ATP11A: variants seen among roughly 807,000 people sequenced by gnomAD.
The protein encoded by ATP11A is phospholipid-transporting ATPase IH.
ATP11A carries 81 observed loss-of-function variants against 154.4 expected under a neutral mutation model. The observed-to-expected ratio is 0.52, with a 90% confidence interval of 0.44 to 0.63. The LOEUF (loss-of-function observed/expected upper bound fraction) is 0.63. Ranked by LOEUF, ATP11A falls within the 30% of genes least tolerant of loss-of-function variation. ATP11A has a pLI of 0.00. For missense variants in ATP11A, 1,316 were observed against 1,474.3 expected (o/e 0.89, Z 1.76); for synonymous variants, 623 against 585.9 (o/e 1.06, Z -0.91).
chr13:112,711,118 C>T lies in ATP11A; in HGVS notation c.39+20663C>T, dbSNP rs79090417. Among the ~76,000 whole-genome samples the T allele has an allele frequency of 4.6e-3, 695 of 152,326 alleles. 7 individuals carry two copies. The highest frequency in any genetic ancestry group is 0.016 in the African/African-American group (668 of 41,562). ...GCAGGATCCCAGGGGACCCGTCCTG[C>T]GTGCTGACACTTTACCACGAGGCAG... On this transcript the variant is annotated intron_variant, in intron 1 of 29. Transcript: ENST00000375645.
intron 13 of ATP11A, among the ~76,000 whole-genome samples, chr13:112,831,787 C>T (rs953979647): frequency 7.2e-5 from 11 of 152,218 alleles, no homozygotes; most frequent in African/African-American, 2.7e-4. Context: ...CACATGCATG[C>T]ACCCAGACAC....
At chr13:112,780,342 G>C (rs2077467515) in intron 1 of ATP11A, among the ~76,000 whole-genome samples, 1 of 152,082 alleles carries the variant, frequency 6.6e-6, no homozygotes, top group Non-Finnish European at 1.5e-5. Flanking sequence ...TTCACCCCCG[G>C]GCAGGGGCCA....
At chr13:112,877,292 C>G (rs2080758216) in intron 28 of ATP11A, among the ~76,000 whole-genome samples, 1 of 152,234 alleles carries the variant, frequency 6.6e-6, no homozygotes. Context: ...CGGCCCCAAG[C>G]AGCCACTCAC....
chr13:112,799,666 G>T (rs2140110845), intron 2 of ATP11A, among the ~76,000 whole-genome samples: 1 of 152,290 alleles, frequency 6.6e-6, no homozygotes, highest in East Asian at 1.9e-4. Flanking sequence ...ATATGTGCAG[G>T]TCACAGGCTT....
intron 1 of ATP11A, among the ~76,000 whole-genome samples, chr13:112,780,824 C>G (rs756022885): frequency 6.6e-6 from 1 of 152,104 alleles, no homozygotes; most frequent in Non-Finnish European, 1.5e-5. Flanking sequence ...CTGGTTTCAG[C>G]TTTGCTTTGC....
At chr13:112,812,724 A>G (rs1341118761) in intron 5 of ATP11A, among the ~76,000 whole-genome samples, 1 of 152,220 alleles carries the variant, frequency 6.6e-6, no homozygotes, top group Non-Finnish European at 1.5e-5. Context: ...TTTCACTTAT[A>G]AACGTGCTAT....
chr13:112,826,054 C>CCCA (rs2078925603), intron 11 of ATP11A, among the ~76,000 whole-genome samples: 1 of 151,916 alleles, frequency 6.6e-6, no homozygotes, highest in African/African-American at 2.4e-5. Flanking sequence ...CAAACCCAGA[C>CCCA]CCATATCCAC....
At chr13:112,808,725 G>A (rs936631299) in intron 4 of ATP11A, among the ~76,000 whole-genome samples, 8 of 152,132 alleles carry the variant, frequency 5.3e-5, no homozygotes, top group African/African-American at 7.2e-5. Context: ...CGCTGTCTCC[G>A]CTGGGCACTG....
rs2080943456 is a variant in ATP11A at position 112,884,535 on chromosome 13, A to T, written c.*2669A>T. ...AGATAAAAAAGAAAAGGATGAGAAG[A>T]TCCTCAGTGAATGACGTTGCAGGGT... On this transcript the variant is annotated 3_prime_UTR_variant, in exon 30 of 30. Transcript: ENST00000375645. 2 of 152,242 alleles carry T rather than the reference A, an allele frequency of 1.3e-5. No homozygotes were observed. 9.4% of individuals were successfully genotyped at this position (152,242 alleles called of 1,614,324 possible). A position where few individuals can be genotyped will look rare whatever the true frequency, so the allele number is the denominator to read the frequency against.
chr13:112,866,124 C>T (rs1460657528), intron 25 of ATP11A, among the ~76,000 whole-genome samples: 1 of 152,250 alleles, frequency 6.6e-6, no homozygotes, highest in Non-Finnish European at 1.5e-5. Context: ...CTTTTTGCCA[C>T]TGGCGTCCCT....
At chr13:112,708,659 T>A (rs1887419067) in intron 1 of ATP11A, among the ~76,000 whole-genome samples, 3 of 152,260 alleles carry the variant, frequency 2.0e-5, no homozygotes. Flanking sequence ...TCAGAGCGAC[T>A]GAGTCTGATG....
At position 112,857,798 on chromosome 13, in the gene ATP11A, C is replaced by T. The variant is rs377089522; in HGVS notation, c.2419-20C>T. ...GAAGTGAAACAGAGAAGATAAATTC[C>T]GCATTTCTTTCTTTTGCAGATTGTT... On this transcript the variant is annotated intron_variant, in intron 20 of 29. Transcript: ENST00000375645. The T allele has an allele frequency of 1.1e-4, 175 of 1,584,916 alleles. 1 individual carries two copies. In the Middle Eastern group the frequency reaches 1.3e-3, roughly 12 times the overall value.
In ATP11A at chr13:112,697,405, C is replaced by T. The variant is rs1363781546; in HGVS notation, c.39+6950C>T. 6.6e-6 allele frequency among the ~76,000 whole-genome samples: 1 copy of T among 152,044 alleles called. No homozygotes were observed. The highest frequency in any genetic ancestry group is 1.5e-5 in the Non-Finnish European group (1 of 68,006). On this transcript the variant is annotated intron_variant, in intron 1 of 29. Transcript: ENST00000375645. The surrounding 1 kb of genome is among the most constrained non-coding windows in gnomAD (Gnocchi z 4.0). ...CAGAAAACAGCTGCTGGGCCAACAC[C>T]GAGACCCCAGGTCATTAGTGTTAAT...
At chr13:112,862,678 G>T (rs911669287) in intron 25 of ATP11A, 103 bp downstream of exon 25, 1 of 1,494,710 alleles carries the variant, frequency 6.7e-7, no homozygotes, top group Non-Finnish European at 9.1e-7. Flanking sequence ...AGCCCATGCA[G>T]CTTCCCAGCG....
chr13:112,701,285 G>A (rs1566348464), intron 1 of ATP11A, among the ~76,000 whole-genome samples: 1 of 152,232 alleles, frequency 6.6e-6, no homozygotes, highest in Non-Finnish European at 1.5e-5. Context: ...GTGCTTATCA[G>A]TTAGGCTCAG....
chr13:112,773,383 C>G (rs924403804), intron 1 of ATP11A, among the ~76,000 whole-genome samples: 1 of 152,210 alleles, frequency 6.6e-6, no homozygotes, highest in Non-Finnish European at 1.5e-5. Flanking sequence ...AATGCCGCCT[C>G]TCTCTGTATC....
intron 13 of ATP11A, 21 bp downstream of exon 13, chr13:112,831,569 C>T (rs368617011): frequency 6.8e-6 from 11 of 1,606,822 alleles, no homozygotes; most frequent in Middle Eastern, 1.6e-4. Flanking sequence ...GCCCCCACGC[C>T]GTCCAAGTGT....
In ATP11A at chr13:112,697,918, A is replaced by G; in HGVS notation, c.39+7463A>G. Among the ~76,000 whole-genome samples, 1 of 151,882 alleles carries G rather than the reference A, an allele frequency of 6.6e-6. No individual in the cohort carries two copies. Among genetic ancestry groups the G allele is most frequent in the South Asian group, 2.1e-4 (1 of 4,814 alleles). The stretch of plus-strand genomic sequence containing the variant: ...AAAACGATGAGTTCCTAAGAACTAG[A>G]CTCTGATCCCTGGAAACAACATGCC... On this transcript the variant is annotated intron_variant, in intron 1 of 29. Transcript: ENST00000375645. This position sits in a 1 kb window ranked among gnomAD's most constrained non-coding sequence, Gnocchi z 4.0.
chr13:112,693,017 T>G (rs1885375649), intron 1 of ATP11A, among the ~76,000 whole-genome samples: 1 of 152,260 alleles, frequency 6.6e-6, no homozygotes, highest in Non-Finnish European at 1.5e-5. Flanking sequence ...CAAAGAAAGC[T>G]TTCCAGCTCC....
Sources: gnomAD v4.1 joint callset for allele counts (sites outside exome capture counted in the v4.1 genomes callset) on GRCh38, gnomAD v4.1.1 for gene constraint, Gnocchi (gnomAD v3.1) non-coding constraint, MANE v1.5 for transcripts, NCBI Gene and HGNC (gene_info 2026-07-23, HGNC 2026-07-21) for gene names.